The following ANGPTL6 variants were observed in gnomAD, a reference collection of about 807,000 sequenced individuals.
ANGPTL6 encodes the protein angiopoietin like 6.
Under a neutral mutation model 47.4 loss-of-function variants are expected in ANGPTL6, and 45 were observed. The ratio of observed to expected loss-of-function variants is 0.95; its 90% confidence interval spans 0.75 to 1.22. The LOEUF (loss-of-function observed/expected upper bound fraction) is 1.22. ANGPTL6 is among the 50% of genes most tolerant of loss of function. The probability of loss-of-function intolerance (pLI) is 0.00; values close to 1 mark genes in which losing one functional copy is unlikely to be tolerated. For synonymous variants in ANGPTL6, 290 were observed against 295.9 expected, an observed-to-expected ratio of 0.98 and a Z score of 0.20; for missense variants, 698 against 669.4, an observed-to-expected ratio of 1.04 and a Z score of -0.47.
upstream of ANGPTL6, chr19:10,106,178 C>T (rs187146844): frequency 1.3e-6 from 1 of 791,026 alleles, no homozygotes; most frequent in Non-Finnish European, 1.9e-6. Context: ...CTCTGCAGCC[C>T]GGAGCCGCGT....
At chr19:10,100,955 T>C (rs1203040515) in intron 1 of ANGPTL6, among the ~76,000 whole-genome samples, 3 of 151,670 alleles carry the variant, frequency 2.0e-5, no homozygotes, top group South Asian at 4.2e-4. Flanking sequence ...GTGCCTGTAA[T>C]CCCAGCACTT....
intron 1 of ANGPTL6, among the ~76,000 whole-genome samples, chr19:10,099,851 C>T (rs2088639772): frequency 6.9e-6 from 1 of 144,564 alleles, no homozygotes. Context: ...CTCTTTCTCT[C>T]TTTCTCTCTC....
upstream of ANGPTL6, chr19:10,102,728 C>T (rs2088713264): frequency 2.0e-6 from 2 of 984,692 alleles, no homozygotes; most frequent in Non-Finnish European, 2.4e-6. Flanking sequence ...GCCCCCAGAG[C>T]CTGGGAGTGG....
In ANGPTL6 at chr19:10,102,532, G is replaced by A. The variant is rs1294825912; in HGVS notation, c.-11+36C>T. 3.9e-5 allele frequency: 38 copies of A among 981,536 alleles called. 2 individuals carry two copies. The highest frequency in any genetic ancestry group is 5.2e-4 in the Middle Eastern group (1 of 1,936). The allele number at this position is 981,536 out of a possible 1,614,324, so 60.8% of individuals were successfully genotyped here. On this transcript the variant is annotated intron_variant, in intron 1 of 5. Coordinates refer to ENST00000253109, the MANE Select transcript of ANGPTL6 (RefSeq NM_031917.3). ...GCTGTGGTCGGAGTTTCCCCACAGTGAGAATCAACCTCCACCTACCTTCCC... is the reference window on the plus strand; with the variant it reads ...GCTGTGGTCGGAGTTTCCCCACAGTAAGAATCAACCTCCACCTACCTTCCC...
rs1370903300 is a variant in ANGPTL6, at chr19:10,093,825, C to A, written c.819G>T (p.Val273=). 6.2e-7 allele frequency: 1 copy of A among 1,613,452 alleles called. No homozygotes were observed. The highest frequency in any genetic ancestry group is 1.3e-5 in the African/African-American group (1 of 75,082). ...CGTGACGGCCCACTCGCAGTTCATA[C>A]ACTCCACTCTGTTCATGGCCTGCCT... The part of the protein sequence containing the change: ...ARQAGHEQSG[V]YELRVGRHVV... Residue 273 remains valine (V), a synonymous_variant, in exon 4 of 6, where the codon GTG becomes GTT. Transcript: ENST00000253109.
In ANGPTL6 at chr19:10,093,553, G is replaced by C; in HGVS notation, c.1018C>G (p.Arg340Gly). 6.2e-7 allele frequency: 1 copy of C among 1,613,962 alleles called. No individual in the cohort carries two copies. Among genetic ancestry groups the C allele is most frequent in the Non-Finnish European group, 8.5e-7 (1 of 1,179,958 alleles). Reference protein sequence around the residue: ...GLEPVYQLTSRGDHELLVLLE... With the variant: ...GLEPVYQLTSGGDHELLVLLE... ...AGAACCAGCAGCTCATGGTCCCCAC[G>C]GCTGGTCAGCTGATACACGGGTTCA... The change falls in exon 5 of 6, where the codon CGT becomes GGT. Residue 340 changes from arginine (R) to glycine (G), a missense_variant. Transcript: ENST00000253109.
At chr19:10,104,396 C>T (rs113291569), upstream of ANGPTL6, among the ~76,000 whole-genome samples, 10 of 151,144 alleles carry the variant, frequency 6.6e-5, no homozygotes, top group African/African-American at 2.4e-4. Context: ...GTAGTGTTGG[C>T]ACTTATTTAA....
At chr19:10,096,740 C>G (rs965232486) in intron 1 of ANGPTL6, 167 bp from the exon 2 acceptor site, 3 of 512,314 alleles carry the variant, frequency 5.9e-6, no homozygotes, top group African/African-American at 2.0e-5. Flanking sequence ...TGATCCCACT[C>G]TGGCTTCAAC....
At chr19:10,106,116 G>C (rs945120157), upstream of ANGPTL6, 5 of 575,204 alleles carry the variant, frequency 8.7e-6, no homozygotes, top group African/African-American at 9.8e-5. Flanking sequence ...AGTGGTTTTA[G>C]CCCAGCTGGA....
chr19:10,098,766 G>C (rs1339667076), intron 1 of ANGPTL6, among the ~76,000 whole-genome samples: 1 of 151,780 alleles, frequency 6.6e-6, no homozygotes, highest in Non-Finnish European at 1.5e-5. Flanking sequence ...GGAGGTTGCA[G>C]TGAGCCGAGA....
At chr19:10,093,190 G>A in intron 5 of ANGPTL6, 159 bp downstream of exon 5, 3 of 1,011,926 alleles carry the variant, frequency 3.0e-6, no homozygotes, top group Non-Finnish European at 4.3e-6. Flanking sequence ...CCCCCACCAG[G>A]ATAAAAGTCC....
In ANGPTL6 at chr19:10,096,518, C is replaced by CCTG; in HGVS notation, c.45_46insCAG (p.Leu15_Gly16insGln). ...GCGCCCGCCCGCGCCCACGACGCGC[C>CCTG]CAGCAGGAGCAGCAGCTGTAGCGCA... On this transcript the variant is annotated inframe_insertion, in exon 2 of 6. Coordinates refer to ENST00000253109, the MANE Select transcript of ANGPTL6 (RefSeq NM_031917.3). The CCTG allele has an allele frequency of 1.3e-6, 2 of 1,514,428 alleles. No homozygotes were observed. Among genetic ancestry groups the CCTG allele is most frequent in the Non-Finnish European group, 1.8e-6 (2 of 1,138,060 alleles). The allele number at this position is 1,514,428 out of a possible 1,614,324, so 93.8% of individuals were successfully genotyped here. A position where few individuals can be genotyped will look rare whatever the true frequency, so the allele number is the denominator to read the frequency against.
chr19:10,093,479 G>A lies in ANGPTL6; in HGVS notation c.1092C>T (p.Phe364=). The A allele has an allele frequency of 6.2e-7, 1 of 1,614,240 alleles. No homozygotes were observed. Among genetic ancestry groups the A allele is most frequent in the South Asian group, 1.1e-5 (1 of 91,088 alleles). Residue 364 remains phenylalanine (F), a synonymous_variant, in exon 5 of 6, where the codon TTC becomes TTT. Coordinates refer to ENST00000253109, the MANE Select transcript of ANGPTL6 (RefSeq NM_031917.3). ...AGTGGTCGCTCTCGGGTTCCAGGGA[G>A]AAGCCATCATAGTGGGCACGTGCTC... ...GRGARAHYDG[F]SLEPESDHYR...
At chr19:10,104,307 TTGTGTGTGTGGTGTGTGTGTGTG>T (rs2088762569), upstream of ANGPTL6, among the ~76,000 whole-genome samples, 1 of 85,266 alleles carries the variant, frequency 1.2e-5, no homozygotes, top group Non-Finnish European at 2.3e-5. Flanking sequence ...TTTGTTTTGT[TTGTGTGTGTGGTGTGTGTGTGTG>T]TGTGTGTGTG....
chr19:10,098,333 G>A lies in ANGPTL6; in HGVS notation c.-10-1760C>T, dbSNP rs1328707053. On this transcript the variant is annotated intron_variant, in intron 1 of 5. Coordinates refer to ENST00000253109, the MANE Select transcript of ANGPTL6 (RefSeq NM_031917.3). ...CAGCATTGCACTCCAGCCTGGGGAC[G>A]AGAGCAAACCCTGTCTCTTAAAACA... Among the ~76,000 whole-genome samples the A allele has an allele frequency of 2.0e-5, 3 of 150,914 alleles. No homozygotes were observed. The South Asian group carries it at 6.3e-4, about 32-fold the overall frequency.
chr19:10,101,975 G>A (rs1009547859), intron 1 of ANGPTL6, among the ~76,000 whole-genome samples: 5 of 149,916 alleles, frequency 3.3e-5, no homozygotes, highest in African/African-American at 1.2e-4. Context: ...AATTAGCCGG[G>A]CATGGTGGCG....
upstream of ANGPTL6, among the ~76,000 whole-genome samples, chr19:10,103,859 C>T (rs1204373986): frequency 3.4e-5 from 5 of 148,942 alleles, no homozygotes; most frequent in African/African-American, 1.2e-4. Context: ...CTTTGGGAGG[C>T]CAAGGTGGGC....
Position 10,096,150 on chromosome 19 carries a change from C to T in ANGPTL6, c.414G>A (p.Leu138=), listed in dbSNP as rs777193162. Residue 138 remains leucine (L), a synonymous_variant, in exon 2 of 6, where the codon CTG becomes CTA. Transcript: ENST00000253109. ...LGAEPAAALA[L]LGERVLNASA... ...ACGCGTTGAGCACGCGCTCCCCGAG[C>T]AGCGCCAGCGCCGCGGCAGGCTCCG... The T allele has an allele frequency of 7.6e-5, 102 of 1,333,870 alleles. No individual in the cohort carries two copies. Among genetic ancestry groups the T allele is most frequent in the Non-Finnish European group, 9.4e-5 (98 of 1,042,136 alleles). 82.6% of individuals were successfully genotyped at this position (1,333,870 alleles called of 1,614,324 possible). A position where few individuals can be genotyped will look rare whatever the true frequency, so the allele number is the denominator to read the frequency against.
chr19:10,097,852 C>CA (rs34115507), intron 1 of ANGPTL6, among the ~76,000 whole-genome samples: 76,979 of 150,376 alleles, frequency 0.51, 20,152 homozygotes, highest in Non-Finnish European at 0.58. Flanking sequence ...GACTCCATCT[C>CA]AAAAAAATAA....
Sources: gnomAD v4.1 joint callset for allele counts (sites outside exome capture counted in the v4.1 genomes callset) on GRCh38, gnomAD v4.1.1 for gene constraint, MANE v1.5 for transcripts, NCBI Gene and HGNC (gene_info 2026-07-23, HGNC 2026-07-21) for gene names.